Variants in GLP1R observed in about 807,000 individuals in gnomAD.
GLP1R encodes glucagon-like peptide 1 receptor.
A neutral mutation model predicts 68.4 loss-of-function variants in GLP1R; 32 were observed. The ratio of observed to expected loss-of-function variants is 0.47; its 90% CI spans 0.35 to 0.63. GLP1R has a LOEUF of 0.63. Among genes scored for constraint, GLP1R ranks in the 20% least tolerant of loss-of-function variants. The pLI is 0.00. For synonymous variants in GLP1R, 263 were observed against 244.4 expected (o/e 1.08, Z -0.71); for missense variants, 502 against 594.9 (o/e 0.84, Z 1.62).
chr6:39,077,254 G>A (rs1768855988), intron 7 of GLP1R, among the ~76,000 whole-genome samples: 1 of 152,202 alleles, frequency 6.6e-6, no homozygotes, highest in African/African-American at 2.4e-5. Flanking sequence ...ACCCCCTGCT[G>A]TCCCTTCTCT....
At position 39,079,442 on chromosome 6, in the gene GLP1R, G is replaced by A. The variant is rs1289660738; in HGVS notation, c.1044-122G>A. 3.8e-6 allele frequency: 4 copies of A among 1,041,622 alleles called. No individual in the cohort carries two copies. The highest frequency in any genetic ancestry group is 3.2e-5 in the South Asian group (2 of 62,252). 64.5% of individuals were successfully genotyped at this position (1,041,622 alleles called of 1,614,324 possible). A position where few individuals can be genotyped will look rare whatever the true frequency, so the allele number is the denominator to read the frequency against. On this transcript the variant is annotated intron_variant, in intron 10 of 12. Transcript: ENST00000373256. The surrounding 1 kb of genome is among the most constrained non-coding windows in gnomAD (Gnocchi z 4.5). ...AGGCAGCCTGTCCCAGGGTATTTGGGGTGGGAGAACATCCATGACCCAGAT... is the reference window on the plus strand; with the variant it reads ...AGGCAGCCTGTCCCAGGGTATTTGGAGTGGGAGAACATCCATGACCCAGAT...
rs987026533 is a variant in GLP1R, at chr6:39,088,850, A to G, written c.*2777A>G. On this transcript the variant is annotated 3_prime_UTR_variant, in exon 13 of 13. Coordinates refer to ENST00000373256, the MANE Select transcript of GLP1R (RefSeq NM_002062.5). ...TTGGTGATCCCCCCTGGCCCGATCT[A>G]TAGGATTGAGGAATGAGGCTTGTAG... 6.6e-6 allele frequency among the ~76,000 whole-genome samples: 1 copy of G among 152,180 alleles called. No individual in the cohort carries two copies. Among genetic ancestry groups the G allele is most frequent in the Admixed American group, 6.5e-5 (1 of 15,278 alleles).
intron 1 of GLP1R, among the ~76,000 whole-genome samples, chr6:39,055,598 T>G (rs1432540851): frequency 6.6e-6 from 1 of 152,132 alleles, no homozygotes; most frequent in African/African-American, 2.4e-5. Context: ...ATTGCACGTG[T>G]GACTTCAGTG....
At position 39,079,094 on chromosome 6, in the gene GLP1R, C is replaced by T. The variant is rs745477141; in HGVS notation, c.955-18C>T. ...GCTGGGCTGGTGCCCCCTGCCAATC[C>T]CCGGCCCCACCCCGCAGGTGAACTT... On this transcript the variant is annotated intron_variant, in intron 9 of 12. Coordinates refer to ENST00000373256, the MANE Select transcript of GLP1R (RefSeq NM_002062.5). The surrounding 1 kb of genome is among the most constrained non-coding windows in gnomAD (Gnocchi z 4.5). 1 of 1,612,630 alleles carries T rather than the reference C, an allele frequency of 6.2e-7. No individual in the cohort carries two copies. The highest frequency in any genetic ancestry group is 8.5e-7 in the Non-Finnish European group (1 of 1,178,638).
In GLP1R at chr6:39,079,637, G is replaced by T; in HGVS notation, c.1117G>T (p.Glu373Ter). The change falls in exon 11 of 13, where the codon GAG becomes TAG. Residue 373 changes from glutamate to a stop codon, truncating the protein, a stop_gained. Coordinates refer to ENST00000373256, the MANE Select transcript of GLP1R (RefSeq NM_002062.5). LOFTEE classifies it high-confidence loss of function. This position sits in a 1 kb window ranked among gnomAD's most constrained non-coding sequence, Gnocchi z 4.5. ...GGTCATCTTTGCCTTTGTGATGGAC[G>T]AGCACGCCCGGGGGACCCTGCGCTT... is the stretch of plus-strand genomic sequence containing the variant. ...HEVIFAFVMD[E>*]HARGTLRFIK... The T allele has an allele frequency of 6.2e-7, 1 of 1,611,624 alleles. No homozygotes were observed.
chr6:39,063,231 C>T (rs1005972362), intron 3 of GLP1R, among the ~76,000 whole-genome samples: 5 of 152,174 alleles, frequency 3.3e-5, no homozygotes, highest in Non-Finnish European at 7.3e-5. Context: ...CAGCTCAGGT[C>T]CCCATCACTG....
At chr6:39,056,726 A>G (rs1768223245) in intron 2 of GLP1R, among the ~76,000 whole-genome samples, 1 of 152,106 alleles carries the variant, frequency 6.6e-6, no homozygotes, top group Non-Finnish European at 1.5e-5. Flanking sequence ...CCTCCAGAAA[A>G]TCTTCCCCAG....
chr6:39,068,914 G>C (rs577014295), intron 5 of GLP1R, among the ~76,000 whole-genome samples: 5 of 152,166 alleles, frequency 3.3e-5, no homozygotes, highest in African/African-American at 1.2e-4. Context: ...TGTTCACTTG[G>C]CCACACCCTT....
Position 39,057,501 on chromosome 6 carries a change from T to C in GLP1R, c.205T>C (p.Tyr69His), listed in dbSNP as rs1768242404. Residue 69 changes from tyrosine (Y) to histidine (H), a missense_variant, in exon 3 of 13, where the codon TAC (tyrosine) becomes CAC (histidine). By Grantham distance (83) the Tyr-to-His change is moderately conservative. Transcript: ENST00000373256. The stretch of plus-strand genomic sequence containing the variant: ...GTTCTGCAACCGGACCTTCGATGAA[T>C]ACGCCTGCTGGCCAGATGGGGAGCC... ...DLFCNRTFDE[Y>H]ACWPDGEPGS... The C allele has an allele frequency of 6.2e-7, 1 of 1,613,364 alleles. No individual in the cohort carries two copies. The highest frequency in any genetic ancestry group is 1.1e-5 in the South Asian group (1 of 91,038).
chr6:39,054,919 A>G (rs1265881159), intron 1 of GLP1R, among the ~76,000 whole-genome samples: 1 of 152,232 alleles, frequency 6.6e-6, no homozygotes, highest in East Asian at 1.9e-4. Context: ...AGCTGTGGCT[A>G]ATATCATGGA....
chr6:39,085,886 C>G lies in GLP1R; in HGVS notation c.1225-20C>G, dbSNP rs570179018. The G allele has an allele frequency of 1.2e-6, 2 of 1,613,014 alleles. No homozygotes were observed. Among genetic ancestry groups the G allele is most frequent in the South Asian group, 2.2e-5 (2 of 90,994 alleles). ...TTGGTTTGCATGATGGCTTTCGTTT[C>G]CCTCCTTTTCCCATGGAAGGTCCAG... On this transcript the variant is annotated intron_variant, in intron 12 of 12. Coordinates refer to ENST00000373256, the MANE Select transcript of GLP1R (RefSeq NM_002062.5).
At chr6:39,060,171 G>A (rs530992208) in intron 3 of GLP1R, among the ~76,000 whole-genome samples, 5 of 152,280 alleles carry the variant, frequency 3.3e-5, no homozygotes, top group African/African-American at 4.8e-5. Flanking sequence ...GGTTGGCAGC[G>A]GAGGCTTCCC....
At chr6:39,065,938 C>T in intron 4 of GLP1R, 109 bp downstream of exon 4, 1 of 700,112 alleles carries the variant, frequency 1.4e-6, no homozygotes, top group Non-Finnish European at 2.6e-6. Context: ...TCATTTCATC[C>T]ATCTCCTTGC....
chr6:39,079,232 C>A lies in GLP1R; in HGVS notation c.1043+32C>A. 1 of 1,447,394 alleles carries A rather than the reference C, an allele frequency of 6.9e-7. No homozygotes were observed. The highest frequency in any genetic ancestry group is 9.7e-7 in the Non-Finnish European group (1 of 1,027,720). 89.7% of individuals were successfully genotyped at this position (1,447,394 alleles called of 1,614,324 possible). On this transcript the variant is annotated intron_variant, in intron 10 of 12. Coordinates refer to ENST00000373256, the MANE Select transcript of GLP1R (RefSeq NM_002062.5). The surrounding 1 kb of genome is among the most constrained non-coding windows in gnomAD (Gnocchi z 4.5). ...TAACTGAGCTGGCTTTACTGAGGAC[C>A]CTCAGCAAGTGCCCCTTTCCTTCTA...
chr6:39,085,314 CTCT>C (rs1294949203), intron 12 of GLP1R, among the ~76,000 whole-genome samples: 1 of 152,232 alleles, frequency 6.6e-6, no homozygotes, highest in African/African-American at 2.4e-5. Context: ...ACTGCAGTGT[CTCT>C]CTAGATGGCA....
rs898306674 is a variant in GLP1R, at chr6:39,088,463, C to T, written c.*2390C>T. 9.2e-5 allele frequency among the ~76,000 whole-genome samples: 14 copies of T among 152,152 alleles called. 1 individual carries two copies. Among genetic ancestry groups the T allele is most frequent in the Admixed American group, 6.5e-5 (1 of 15,274 alleles). The stretch of plus-strand genomic sequence containing the variant: ...CCTAATGCCATACGCCTGGAACTTG[C>T]TGAGAACTCTCGGCTGCCTCTGTCC... On this transcript the variant is annotated 3_prime_UTR_variant, in exon 13 of 13. Coordinates refer to ENST00000373256, the MANE Select transcript of GLP1R (RefSeq NM_002062.5).
chr6:39,066,275 A>G lies in GLP1R; in HGVS notation c.481A>G (p.Ile161Val). 6.2e-7 allele frequency: 1 copy of G among 1,611,858 alleles called. No individual in the cohort carries two copies. The highest frequency in any genetic ancestry group is 8.5e-7 in the Non-Finnish European group (1 of 1,177,994). Reference sequence around the variant, plus strand: ...CGCACTCTCCTTCTCTGCTCTGGTTATCGCCTCTGCGATCCTCCTCGGCTT... The same window carrying G: ...CGCACTCTCCTTCTCTGCTCTGGTTGTCGCCTCTGCGATCCTCCTCGGCTT... ...GYALSFSALV[I>V]ASAILLGFRH... The change falls in exon 5 of 13, where the codon ATC becomes GTC. Residue 161 changes from isoleucine to valine, a missense_variant. Transcript: ENST00000373256.
At position 39,076,403 on chromosome 6, in the gene GLP1R, G is replaced by T. The variant is rs1583643216; in HGVS notation, c.824-1919G>T. Among the ~76,000 whole-genome samples, 5 of 152,296 alleles carry T rather than the reference G, an allele frequency of 3.3e-5. No homozygotes were observed. In the South Asian group the frequency reaches 1.0e-3, roughly 32 times the overall value. ...TACTAAAGCACCGTAGATGCTGAGAGGTCCGATTTGTGTAGAAATCAATGG... is the reference window on the plus strand; with the variant it reads ...TACTAAAGCACCGTAGATGCTGAGATGTCCGATTTGTGTAGAAATCAATGG... On this transcript the variant is annotated intron_variant, in intron 7 of 12. Transcript: ENST00000373256.
chr6:39,080,740 G>C lies in GLP1R; in HGVS notation c.1224+1G>C. 6.3e-7 allele frequency: 1 copy of C among 1,590,192 alleles called. No individual in the cohort carries two copies. Among genetic ancestry groups the C allele is most frequent in the Non-Finnish European group, 8.6e-7 (1 of 1,165,504 alleles). On this transcript the variant is annotated splice_donor_variant, in intron 12 of 12. Transcript: ENST00000373256. LOFTEE classifies it high-confidence loss of function. The stretch of plus-strand genomic sequence containing the variant: ...ATTATACTGCTTTGTCAACAATGAG[G>C]TAAGCTCTGAGGAGGGACGGTGGGG...
Sources: gnomAD v4.1 joint callset for allele counts (sites outside exome capture counted in the v4.1 genomes callset) on GRCh38, gnomAD v4.1.1 for gene constraint, Gnocchi (gnomAD v3.1) non-coding constraint, MANE v1.5 for transcripts, NCBI Gene and HGNC (gene_info 2026-07-23, HGNC 2026-07-21) for gene names.